The following APBA1 variants were observed in gnomAD, a reference collection of about 807,000 sequenced individuals.
APBA1 encodes the protein amyloid beta precursor protein binding family A member 1.
A neutral mutation model predicts 86.6 loss-of-function variants in APBA1; 55 were observed. The observed-to-expected ratio is 0.64, with a 90% CI of 0.51 to 0.80. The LOEUF (loss-of-function observed/expected upper bound fraction) is 0.80. Among genes scored for constraint, APBA1 ranks in the 30% least tolerant of loss-of-function variants. The pLI is 0.00. For synonymous variants in APBA1, 511 were observed against 493.9 expected (o/e 1.03, Z -0.46); for missense variants, 1,090 against 1,183.0 (o/e 0.92, Z 1.15).
intron 1 of APBA1, among the ~76,000 whole-genome samples, chr9:69,569,838 T>G (rs1837087450): frequency 6.6e-6 from 1 of 152,326 alleles, no homozygotes; most frequent in Admixed American, 6.5e-5. Flanking sequence ...GTTTTTTTTT[T>G]CCTGCCTAGG....
In APBA1 at chr9:69,594,773, G is replaced by C. The variant is rs1366738764; in HGVS notation, c.-70+77380C>G. On this transcript the variant is annotated intron_variant, in intron 1 of 12. Transcript: ENST00000265381. The stretch of plus-strand genomic sequence containing the variant: ...AACATTTGTAGTTCTTTTCTGATGA[G>C]TAGACATTACCCAAGCCAATCATAC... 2.0e-5 allele frequency among the ~76,000 whole-genome samples: 3 copies of C among 152,126 alleles called. No individual in the cohort carries two copies. The South Asian group carries it at 6.2e-4, about 32-fold the overall frequency.
At chr9:69,614,978 C>A (rs920151227) in intron 1 of APBA1, among the ~76,000 whole-genome samples, 2 of 152,134 alleles carry the variant, frequency 1.3e-5, no homozygotes, top group Admixed American at 1.3e-4. Context: ...GCTGGCAGAT[C>A]GCTTGAGGTC....
rs115416243 is a variant in APBA1 at position 69,654,843 on chromosome 9, A to T, written c.-70+17310T>A. ...GTAAACCAAATCCAAAAACACATTA[A>T]AAAGTTCATTCATCATGATCAAGTG... On this transcript the variant is annotated intron_variant, in intron 1 of 12. Transcript: ENST00000265381. Among the ~76,000 whole-genome samples, 437 of 152,334 alleles carry T rather than the reference A, an allele frequency of 2.9e-3. 3 individuals are homozygous for T. Among genetic ancestry groups the T allele is most frequent in the African/African-American group, 1.0e-2 (414 of 41,578 alleles).
chr9:69,636,858 AGGGAGG>A (rs1823177799), intron 1 of APBA1, among the ~76,000 whole-genome samples: 1 of 95,068 alleles, frequency 1.1e-5, no homozygotes, highest in African/African-American at 4.1e-5. Context: ...GGAGGGAGGG[AGGGAGG>A]GAGAGAGAAA....
At chr9:69,467,994 G>T in intron 4 of APBA1, 26 bp from the exon 5 acceptor site, 2 of 1,609,674 alleles carry the variant, frequency 1.2e-6, no homozygotes, top group Non-Finnish European at 1.7e-6. Context: ...CCACAGTGAG[G>T]AAGCCATCCT....
intron 1 of APBA1, among the ~76,000 whole-genome samples, chr9:69,642,637 G>A (rs926913537): frequency 6.6e-6 from 1 of 152,076 alleles, no homozygotes; most frequent in African/African-American, 2.4e-5. Context: ...GTGAAAGAGA[G>A]AGAGAGAGAT....
rs531445063 is a variant in APBA1 at position 69,556,278 on chromosome 9, A to C, written c.-69-38999T>G. Among the ~76,000 whole-genome samples, 3 of 152,272 alleles carry C rather than the reference A, an allele frequency of 2.0e-5. No homozygotes were observed. The South Asian group carries it at 6.2e-4, about 32-fold the overall frequency. ...ATATATCTGGATCTAAAACAAAATC[A>C]AGTTTCCTTTGGTCAGCAAGAACAA... On this transcript the variant is annotated intron_variant, in intron 1 of 12. Transcript: ENST00000265381.
chr9:69,435,331 A>G (rs1834689073), intron 11 of APBA1, among the ~76,000 whole-genome samples: 1 of 152,118 alleles, frequency 6.6e-6, no homozygotes, highest in African/African-American at 2.4e-5. Context: ...GGCTGGGTCA[A>G]ATGGTATTTC....
intron 1 of APBA1, among the ~76,000 whole-genome samples, chr9:69,666,978 C>T (rs114997965): frequency 0.014 from 2,105 of 152,140 alleles, 39 homozygotes; most frequent in African/African-American, 0.043. Flanking sequence ...TGGTATTGGG[C>T]GAGGTGCTAT....
chr9:69,523,218 A>C (rs1836280716), intron 1 of APBA1, among the ~76,000 whole-genome samples: 1 of 152,052 alleles, frequency 6.6e-6, no homozygotes, highest in Non-Finnish European at 1.5e-5. Context: ...AAATTACTTT[A>C]GTTGCTCTTT....
chr9:69,610,161 A>T (rs915214388), intron 1 of APBA1, among the ~76,000 whole-genome samples: 4 of 152,004 alleles, frequency 2.6e-5, no homozygotes, highest in Admixed American at 6.6e-5. Context: ...CCACAAAAAA[A>T]TTTTTTTAAT....
At position 69,449,699 on chromosome 9, in the gene APBA1, A is replaced by C; in HGVS notation, c.2066T>G (p.Met689Arg). The C allele has an allele frequency of 6.2e-7, 1 of 1,613,974 alleles. No homozygotes were observed. Among genetic ancestry groups the C allele is most frequent in the Non-Finnish European group, 8.5e-7 (1 of 1,179,860 alleles). ...AGATTTCTCCGCAGGGCCACCATGC[A>C]TCATGTTGGCAATGATCACGGTGGG... ...ILPTVIIANM[M>R]HGGPAEKSGK... Residue 689 changes from methionine (M) to arginine (R), a missense_variant, in exon 10 of 13, where the codon ATG (methionine) becomes AGG (arginine). Physicochemically the swap from Met to Arg is moderately conservative, Grantham distance 91. Transcript: ENST00000265381.
At chr9:69,668,804 A>G (rs1823890378) in intron 1 of APBA1, among the ~76,000 whole-genome samples, 1 of 152,008 alleles carries the variant, frequency 6.6e-6, no homozygotes, top group African/African-American at 2.4e-5. Context: ...CCTGTGCTAC[A>G]CTGTTCCTCC....
intron 1 of APBA1, among the ~76,000 whole-genome samples, chr9:69,610,444 G>A (rs889823824): frequency 6.6e-6 from 1 of 152,084 alleles, no homozygotes; most frequent in Non-Finnish European, 1.5e-5. Context: ...AGTATTCTAG[G>A]TTCCACAGAA....
intron 1 of APBA1, among the ~76,000 whole-genome samples, chr9:69,549,843 A>G (rs4744571): frequency 0.73 from 110,979 of 152,100 alleles, 40,925 homozygotes; most frequent in East Asian, 0.91. Flanking sequence ...TCTAATTCAT[A>G]TTTTTCTAAC....
intron 1 of APBA1, among the ~76,000 whole-genome samples, chr9:69,634,624 T>TA (rs1242304903): frequency 2.6e-5 from 4 of 151,792 alleles, no homozygotes; most frequent in Non-Finnish European, 5.9e-5. Flanking sequence ...TATAAGAAGG[T>TA]AAAAAACACC....
intron 1 of APBA1, among the ~76,000 whole-genome samples, chr9:69,537,928 TAA>T (rs1247147852): frequency 1.3e-5 from 2 of 152,214 alleles, no homozygotes; most frequent in African/African-American, 4.8e-5. Flanking sequence ...TAGAGAAACT[TAA>T]AAGTTTTATT....
chr9:69,620,601 C>T (rs1343350616), intron 1 of APBA1, among the ~76,000 whole-genome samples: 4 of 152,052 alleles, frequency 2.6e-5, no homozygotes, highest in Non-Finnish European at 4.4e-5. Flanking sequence ...TGCTTGAACC[C>T]GGGAGGCGGA....
At chr9:69,490,325 G>C (rs1475384955) in intron 2 of APBA1, among the ~76,000 whole-genome samples, 2 of 151,918 alleles carry the variant, frequency 1.3e-5, no homozygotes, top group African/African-American at 2.4e-5. Context: ...GGACTGTTGT[G>C]GGGTGGGGGG....
Sources: gnomAD v4.1 joint callset for allele counts (sites outside exome capture counted in the v4.1 genomes callset) on GRCh38, gnomAD v4.1.1 for gene constraint, MANE v1.5 for transcripts, NCBI Gene and HGNC (gene_info 2026-07-23, HGNC 2026-07-21) for gene names.